Variants in CPAP observed in about 807,000 individuals in gnomAD.
The protein encoded by CPAP is centrosome assembly and centriole elongation protein, also known as centrosomal P4.1-associated protein.
the CPAP span, among the ~76,000 whole-genome samples, chr13:24,901,666 G>A: frequency 6.6e-6 from 1 of 152,198 alleles, no homozygotes; most frequent in Non-Finnish European, 1.5e-5. Flanking sequence ...ACTAGGGCGT[G>A]CTAATAGGTA....
the CPAP span, chr13:24,885,192 C>G: frequency 1.1e-6 from 1 of 936,012 alleles, no homozygotes; most frequent in Non-Finnish European, 1.7e-6. Flanking sequence ...CCAAAGAGCC[C>G]TTATTTTAGA....
chr13:24,916,080 G>C, the CPAP span, among the ~76,000 whole-genome samples: 43 of 152,292 alleles, frequency 2.8e-4, 1 homozygote, highest in African/African-American at 9.9e-4. Context: ...CTAACACCAG[G>C]AGTTCTGTTA....
chr13:24,882,589 TAC>T, the CPAP span: 1 of 153,830 alleles, frequency 6.5e-6, no homozygotes, highest in African/African-American at 2.4e-5. Flanking sequence ...GACATTACAT[TAC>T]AAAGTCAGCC....
chr13:24,924,609 C>T, the CPAP span: 2 of 152,154 alleles, frequency 1.3e-5, no homozygotes, highest in African/African-American at 4.8e-5. Context: ...AATGTTCTAC[C>T]TTATCAGTGG....
At chr13:24,916,270 T>C in the CPAP span, among the ~76,000 whole-genome samples, 1 of 152,240 alleles carries the variant, frequency 6.6e-6, no homozygotes, top group East Asian at 1.9e-4. Flanking sequence ...CACACTACTT[T>C]CCAGACACAA....
At chr13:24,884,868 C>A in the CPAP span, among the ~76,000 whole-genome samples, 1 of 152,124 alleles carries the variant, frequency 6.6e-6, no homozygotes, top group Non-Finnish European at 1.5e-5. Flanking sequence ...GAAAAAATTC[C>A]CTCATCACCT....
the CPAP span, among the ~76,000 whole-genome samples, chr13:24,931,443 G>A: frequency 6.6e-6 from 1 of 151,700 alleles, no homozygotes. Flanking sequence ...ACACTATAGA[G>A]TAGGTTGTAA....
At chr13:24,899,718 T>G in the CPAP span, 1 of 721,180 alleles carries the variant, frequency 1.4e-6, no homozygotes, top group Non-Finnish European at 2.5e-6. Flanking sequence ...TAACAGCCAA[T>G]CCACTCACTA....
the CPAP span, among the ~76,000 whole-genome samples, chr13:24,907,819 C>A: frequency 6.6e-6 from 1 of 152,290 alleles, no homozygotes; most frequent in South Asian, 2.1e-4. Flanking sequence ...TTCGAGAATA[C>A]AATGTCAAGG....
the CPAP span, among the ~76,000 whole-genome samples, chr13:24,890,478 A>G: frequency 6.6e-6 from 1 of 152,188 alleles, no homozygotes; most frequent in Non-Finnish European, 1.5e-5. Context: ...CTCTGGGCCC[A>G]CGCTGTCCTC....
chr13:24,896,987 T>C, the CPAP span, among the ~76,000 whole-genome samples: 2 of 152,270 alleles, frequency 1.3e-5, no homozygotes, highest in African/African-American at 4.8e-5. Context: ...ATAACTCAGA[T>C]TGTTTAAAAG....
At chr13:24,900,950 G>A in the CPAP span, among the ~76,000 whole-genome samples, 1 of 152,122 alleles carries the variant, frequency 6.6e-6, no homozygotes, top group Non-Finnish European at 1.5e-5. Flanking sequence ...AGTTCAGGAG[G>A]GAACGTCAGG....
chr13:24,931,821 C>A, the CPAP span, among the ~76,000 whole-genome samples: 1 of 152,252 alleles, frequency 6.6e-6, no homozygotes, highest in Admixed American at 6.5e-5. Context: ...CTTTCCCGCC[C>A]TTGCGAATCC....
At chr13:24,884,182 G>A in the CPAP span, 13 of 1,614,066 alleles carry the variant, frequency 8.1e-6, no homozygotes, top group African/African-American at 1.2e-4. Context: ...CTTGAGAAAT[G>A]TAAGACTTCC....
the CPAP span, among the ~76,000 whole-genome samples, chr13:24,896,343 G>A: frequency 2.6e-5 from 4 of 152,224 alleles, no homozygotes; most frequent in Admixed American, 6.5e-5. Flanking sequence ...CCCTTGAATG[G>A]GCACAGCCCA....
chr13:24,915,976 A>T, the CPAP span, among the ~76,000 whole-genome samples: 1 of 152,240 alleles, frequency 6.6e-6, no homozygotes, highest in African/African-American at 2.4e-5. Flanking sequence ...AAAGGTCATG[A>T]GAACTTCAAT....
the CPAP span, chr13:24,905,452 T>A: frequency 6.2e-7 from 1 of 1,614,200 alleles, no homozygotes; most frequent in South Asian, 1.1e-5. Context: ...TCAGCTCCGA[T>A]GTAGGAGGAC....
chr13:24,890,155 G>C, the CPAP span, among the ~76,000 whole-genome samples: 252 of 152,270 alleles, frequency 1.7e-3, 1 homozygote, highest in Non-Finnish European at 2.7e-3. Flanking sequence ...AAGCATTTAG[G>C]GGTGAATTGC....
the CPAP span, among the ~76,000 whole-genome samples, chr13:24,923,071 T>C: frequency 6.6e-6 from 1 of 152,156 alleles, no homozygotes; most frequent in African/African-American, 2.4e-5. Context: ...CGGAAAACCG[T>C]TTCCGGGAGA....
Sources: gnomAD v4.1 joint callset for allele counts (sites outside exome capture counted in the v4.1 genomes callset) on GRCh38, gnomAD v4.1.1 for gene constraint, MANE v1.5 for transcripts, NCBI Gene and HGNC (gene_info 2026-07-23, HGNC 2026-07-21) for gene names.